The following NPM1 variants were observed in gnomAD, a reference collection of about 807,000 sequenced individuals.
NPM1 encodes nucleophosmin.
A neutral mutation model predicts 44.1 loss-of-function variants in NPM1; 1 was observed. The ratio of observed to expected loss-of-function variants is 0.02; its 90% confidence interval spans 0.01 to 0.11. The LOEUF (loss-of-function observed/expected upper bound fraction) is 0.11, where lower values mean the gene tolerates loss of function less well. Among genes scored for constraint, NPM1 ranks in the 10% least tolerant of loss-of-function variants. The pLI, the probability that NPM1 is intolerant of heterozygous loss-of-function variation, is 1.00. For missense variants in NPM1, 197 were observed against 347.8 expected (o/e 0.57, Z 3.45); for synonymous variants, 126 against 111.8 (o/e 1.13, Z -0.80).
chr5:171,388,134 G>A (rs987204286), intron 1 of NPM1, 128 bp downstream of exon 1: 2 of 865,388 alleles, frequency 2.3e-6, no homozygotes, highest in South Asian at 1.5e-5. Flanking sequence ...AGGCCTGAGC[G>A]GGTGGGAAGA....
intron 9 of NPM1, chr5:171,405,624 T>C (rs1771523254): frequency 7.6e-6 from 4 of 527,428 alleles, no homozygotes; most frequent in African/African-American, 3.8e-5. Context: ...TTTTCCATTA[T>C]GCAAGGAACG....
At chr5:171,407,805 TCCAAG>T in intron 10 of NPM1, 31 bp downstream of exon 10, 1 of 1,411,994 alleles carries the variant, frequency 7.1e-7, no homozygotes, top group Non-Finnish European at 1.0e-6. Flanking sequence ...CATGATTAAA[TCCAAG>T]TTTTTTTGTG....
intron 10 of NPM1, among the ~76,000 whole-genome samples, chr5:171,409,233 C>CT (rs1295719453): frequency 1.3e-5 from 2 of 152,170 alleles, no homozygotes; most frequent in African/African-American, 2.4e-5. Flanking sequence ...ATTATCAAAA[C>CT]TAAATGCTTC....
chr5:171,388,075 C>T (rs1770351650), intron 1 of NPM1, 69 bp downstream of exon 1: 3 of 567,956 alleles, frequency 5.3e-6, no homozygotes, highest in East Asian at 8.7e-5. Context: ...GGGTGAGGGG[C>T]GGGAATCCGG....
intron 6 of NPM1, 44 bp from the exon 7 acceptor site, chr5:171,400,108 TC>T (rs112984603): frequency 9.0e-7 from 1 of 1,105,520 alleles, no homozygotes; most frequent in Non-Finnish European, 1.4e-6. Flanking sequence ...TTGTGTCTAC[TC>T]CCAAATTTTG....
At chr5:171,390,642 TG>T (rs1432307944) in intron 2 of NPM1, among the ~76,000 whole-genome samples, 2 of 152,190 alleles carry the variant, frequency 1.3e-5, no homozygotes, top group Admixed American at 1.3e-4. Context: ...TGTGCCTCAT[TG>T]CAACTGCTGG....
chr5:171,392,606 A>C, intron 4 of NPM1, 104 bp from the exon 5 acceptor site: 1 of 555,260 alleles, frequency 1.8e-6, no homozygotes, highest in Non-Finnish European at 2.8e-6. Flanking sequence ...TTTTTTTTAA[A>C]TAGAATAGAA....
chr5:171,403,925 C>T (rs1581255478), intron 8 of NPM1, among the ~76,000 whole-genome samples: 1 of 73,156 alleles, frequency 1.4e-5, no homozygotes, highest in South Asian at 6.7e-4. Context: ...ACCCCCCCAC[C>T]TCCCTCCCGG....
chr5:171,404,634 C>T (rs1387251995), intron 8 of NPM1, among the ~76,000 whole-genome samples: 24 of 127,636 alleles, frequency 1.9e-4, no homozygotes, highest in Admixed American at 2.4e-4. Context: ...CGGGCGGAGA[C>T]GCTCCTCACT....
rs73803325 is a variant in NPM1, at chr5:171,393,106, A to G, written c.524+128A>G. The stretch of plus-strand genomic sequence containing the variant: ...AAGCCATCCTATGTAATAGTTTATA[A>G]TAAAAGGGCAGGTGGTCATCTGTTG... On this transcript the variant is annotated intron_variant, in intron 6 of 10. Transcript: ENST00000296930. 4.1e-4 allele frequency: 491 copies of G among 1,209,894 alleles called. 2 individuals are homozygous for G. The African/African-American group carries it at 6.8e-3, about 17-fold the overall frequency. 74.9% of individuals were successfully genotyped at this position (1,209,894 alleles called of 1,614,324 possible).
intron 1 of NPM1, among the ~76,000 whole-genome samples, chr5:171,388,639 G>C (rs1285023657): frequency 5.3e-5 from 8 of 152,208 alleles, no homozygotes; most frequent in Non-Finnish European, 1.0e-4. Context: ...ACTCACCGGC[G>C]TGTTGCCACT....
chr5:171,400,690 C>T (rs1771151529), intron 7 of NPM1, 149 bp from the exon 8 acceptor site: 2 of 564,266 alleles, frequency 3.5e-6, no homozygotes, highest in African/African-American at 3.8e-5. Context: ...TCGTGATCCA[C>T]CTGCCTCGGC....
chr5:171,391,286 ATTTT>A lies in NPM1; in HGVS notation c.139-12_139-9del, dbSNP rs752582321. ...GGTGGAACTCAAAAGTTGAAGTAGT[ATTTT>A]TTTTTTGTTCACAGGTCAGTTTAGG... is the stretch of plus-strand genomic sequence containing the variant. On this transcript the variant is annotated splice_polypyrimidine_tract_variant and intron_variant, in intron 2 of 10. Transcript: ENST00000296930. The A allele has an allele frequency of 7.1e-7, 1 of 1,400,006 alleles. No homozygotes were observed. Among genetic ancestry groups the A allele is most frequent in the Non-Finnish European group, 9.7e-7 (1 of 1,026,486 alleles). The allele number at this position is 1,400,006 out of a possible 1,614,324, so 86.7% of individuals were successfully genotyped here. A position where few individuals can be genotyped will look rare whatever the true frequency, so the allele number is the denominator to read the frequency against.
chr5:171,394,761 A>AAC (rs1309148372), intron 6 of NPM1, among the ~76,000 whole-genome samples: 1 of 152,228 alleles, frequency 6.6e-6, no homozygotes, highest in Non-Finnish European at 1.5e-5. Flanking sequence ...AGTTTATAAA[A>AAC]TAAGTGTTTA....
At chr5:171,396,013 A>G (rs2113205130) in intron 6 of NPM1, among the ~76,000 whole-genome samples, 2 of 145,168 alleles carry the variant, frequency 1.4e-5, no homozygotes, top group Admixed American at 1.4e-4. Context: ...GCTGAAGTGC[A>G]TTGTTGGCTA....
intron 6 of NPM1, 133 bp from the exon 7 acceptor site, chr5:171,400,020 C>T (rs1476065454): frequency 1.6e-6 from 1 of 630,528 alleles, no homozygotes; most frequent in African/African-American, 1.8e-5. Flanking sequence ...GGGTTGCTTT[C>T]ACCTCTTGGC....
chr5:171,399,584 C>T (rs1561870427), intron 6 of NPM1, among the ~76,000 whole-genome samples: 1 of 152,064 alleles, frequency 6.6e-6, no homozygotes, highest in Admixed American at 6.6e-5. Flanking sequence ...GAGAAACCAG[C>T]TTGGGGAGTC....
chr5:171,393,683 A>G (rs1770713993), intron 6 of NPM1, among the ~76,000 whole-genome samples: 1 of 152,252 alleles, frequency 6.6e-6, no homozygotes, highest in Non-Finnish European at 1.5e-5. Flanking sequence ...ATATGCATTT[A>G]TTGAAAACAA....
At chr5:171,397,881 C>T (rs1770993002) in intron 6 of NPM1, among the ~76,000 whole-genome samples, 2 of 150,718 alleles carry the variant, frequency 1.3e-5, no homozygotes, top group South Asian at 4.2e-4. Context: ...GCAACCTCCT[C>T]CTCCCTTGTT....
Sources: allele counts gnomAD v4.1 joint callset (sites outside exome capture counted in the v4.1 genomes callset), GRCh38; gene constraint gnomAD v4.1.1; transcripts MANE v1.5; gene names NCBI Gene and HGNC (gene_info 2026-07-23, HGNC 2026-07-21).